Variants in NR2C2 observed in about 807,000 individuals in gnomAD.
The protein encoded by NR2C2 is Nuclear hormone receptor TR4.
NR2C2 carries 6 observed loss-of-function variants against 62.9 expected under a neutral mutation model. The ratio of observed to expected loss-of-function variants is 0.10; its 90% CI spans 0.05 to 0.19. The LOEUF (loss-of-function observed/expected upper bound fraction) is 0.19. Ranked by LOEUF, NR2C2 falls within the 10% of genes least tolerant of loss-of-function variation. The pLI, the probability that NR2C2 is intolerant of heterozygous loss-of-function variation, is 1.00. For missense variants in NR2C2, 479 were observed against 762.7 expected, an observed-to-expected ratio of 0.63 and a Z score of 4.38; for synonymous variants, 272 against 273.8, an observed-to-expected ratio of 0.99 and a Z score of 0.07.
intron 13 of NR2C2, 129 bp from the exon 14 acceptor site, chr3:15,042,705 G>A: frequency 1.4e-6 from 1 of 735,970 alleles, no homozygotes; most frequent in Non-Finnish European, 2.2e-6. Context: ...TCAGAAAAGA[G>A]AGGTGGGTGG....
At chr3:14,996,836 A>G (rs1305883898) in intron 1 of NR2C2, among the ~76,000 whole-genome samples, 2 of 152,232 alleles carry the variant, frequency 1.3e-5, no homozygotes, top group African/African-American at 4.8e-5. Flanking sequence ...TGCTGGGATT[A>G]CAGGTGTCAG....
intron 1 of NR2C2, among the ~76,000 whole-genome samples, chr3:14,993,191 C>G (rs1353911458): frequency 3.3e-5 from 5 of 152,176 alleles, no homozygotes; most frequent in African/African-American, 1.2e-4. Flanking sequence ...TGGTGGCTCA[C>G]GTCTGTAGTC....
intron 3 of NR2C2, among the ~76,000 whole-genome samples, chr3:15,015,857 A>C (rs1391470824): frequency 6.6e-6 from 1 of 152,202 alleles, no homozygotes; most frequent in Non-Finnish European, 1.5e-5. Flanking sequence ...CCTGGAGTGC[A>C]GTGGTGCGAT....
At chr3:14,959,275 A>G (rs1195368218) in intron 1 of NR2C2, 1 of 152,160 alleles carries the variant, frequency 6.6e-6, no homozygotes, top group Non-Finnish European at 1.5e-5. Flanking sequence ...CCACTTCCTT[A>G]CATTACTTGA....
At chr3:14,995,786 T>C (rs987853994) in intron 1 of NR2C2, among the ~76,000 whole-genome samples, 4 of 152,178 alleles carry the variant, frequency 2.6e-5, no homozygotes, top group African/African-American at 9.7e-5. Flanking sequence ...CACCATTTTA[T>C]GTTCCCACCA....
rs981353439 is a variant in NR2C2, at chr3:15,022,501, T to C, written c.557-699T>C. On this transcript the variant is annotated intron_variant, in intron 5 of 13. Transcript: ENST00000425241. The stretch of plus-strand genomic sequence containing the variant: ...CTCACTGCAGCCTCCGCCTCCCAGG[T>C]TCAAGCAATTCTCCCTGCCTCAGCC... Among the ~76,000 whole-genome samples the C allele has an allele frequency of 1.5e-4, 22 of 149,290 alleles. 1 individual carries two copies. The Admixed American group carries it at 1.5e-3, about 10-fold the overall frequency.
At chr3:14,983,473 A>ACG (rs1297239763) in intron 1 of NR2C2, among the ~76,000 whole-genome samples, 2 of 150,008 alleles carry the variant, frequency 1.3e-5, no homozygotes, top group Non-Finnish European at 3.0e-5. Context: ...ACACACACAC[A>ACG]CACACACACA....
At chr3:14,973,933 C>G (rs1488275951) in intron 1 of NR2C2, among the ~76,000 whole-genome samples, 2 of 152,086 alleles carry the variant, frequency 1.3e-5, no homozygotes, top group Non-Finnish European at 2.9e-5. Flanking sequence ...ACCCAGTAAA[C>G]CAATCATAAA....
chr3:15,008,721 C>G (rs1381279594), intron 2 of NR2C2, among the ~76,000 whole-genome samples: 5 of 152,074 alleles, frequency 3.3e-5, no homozygotes, highest in African/African-American at 1.2e-4. Context: ...TAGAGAGGAC[C>G]TTAGCTTAGT....
intron 1 of NR2C2, among the ~76,000 whole-genome samples, chr3:14,986,724 A>C (rs2040524255): frequency 2.0e-5 from 3 of 152,230 alleles, no homozygotes; most frequent in Non-Finnish European, 4.4e-5. Context: ...AAATGAAAGC[A>C]TTTTGTCTAC....
At chr3:14,950,218 C>A (rs1232674363) in intron 1 of NR2C2, among the ~76,000 whole-genome samples, 1 of 152,038 alleles carries the variant, frequency 6.6e-6, no homozygotes, top group Non-Finnish European at 1.5e-5. Context: ...CACCGAGATT[C>A]TAGTTTTGGC....
At chr3:14,977,545 C>A (rs959902369) in intron 1 of NR2C2, among the ~76,000 whole-genome samples, 1 of 151,896 alleles carries the variant, frequency 6.6e-6, no homozygotes, top group Non-Finnish European at 1.5e-5. Flanking sequence ...GTTTTTTATT[C>A]TGTTTAGTTT....
At chr3:14,951,896 C>T (rs1412852506) in intron 1 of NR2C2, among the ~76,000 whole-genome samples, 5 of 152,060 alleles carry the variant, frequency 3.3e-5, no homozygotes, top group Admixed American at 1.3e-4. Flanking sequence ...TACAGGTGCC[C>T]GCCACCACGC....
chr3:15,004,130 G>GA, intron 2 of NR2C2, 144 bp downstream of exon 2: 1 of 646,764 alleles, frequency 1.5e-6, no homozygotes, highest in South Asian at 2.3e-5. Context: ...AAAAAATAAA[G>GA]AAAAAATGCT....
At position 15,028,800 on chromosome 3, in the gene NR2C2, G is replaced by A. The variant is rs943575065; in HGVS notation, c.932+81G>A. The A allele has an allele frequency of 7.6e-6, 11 of 1,455,714 alleles. No individual in the cohort carries two copies. The African/African-American group carries it at 1.5e-4, about 20-fold the overall frequency. 90.2% of individuals were successfully genotyped at this position (1,455,714 alleles called of 1,614,324 possible). On this transcript the variant is annotated intron_variant, in intron 8 of 13. Transcript: ENST00000425241. The stretch of plus-strand genomic sequence containing the variant: ...TGTGAGGGTGGAAAACAGCATTTTG[G>A]TACCTGTGCTGTATTTAACTAAGGA...
At chr3:15,030,992 C>T (rs575492279) in intron 9 of NR2C2, among the ~76,000 whole-genome samples, 27 of 152,148 alleles carry the variant, frequency 1.8e-4, no homozygotes, top group Non-Finnish European at 3.2e-4. Flanking sequence ...CTGAAGGTAA[C>T]CATGAAGCAG....
At chr3:15,021,245 A>C (rs932839039) in intron 5 of NR2C2, among the ~76,000 whole-genome samples, 3 of 152,210 alleles carry the variant, frequency 2.0e-5, no homozygotes, top group African/African-American at 2.4e-5. Context: ...ACTAAGAGAG[A>C]GCTATGATGC....
chr3:14,970,204 C>T (rs568411950), intron 1 of NR2C2, among the ~76,000 whole-genome samples: 1 of 130,498 alleles, frequency 7.7e-6, no homozygotes, highest in African/African-American at 3.0e-5. Context: ...AAAAAATGTC[C>T]TTACCCCACT....
At chr3:14,950,125 G>T (rs536981164) in intron 1 of NR2C2, among the ~76,000 whole-genome samples, 1 of 152,270 alleles carries the variant, frequency 6.6e-6, no homozygotes, top group African/African-American at 2.4e-5. Flanking sequence ...TGAACTACTG[G>T]TATAGACATT....
Sources: gnomAD v4.1 joint callset for allele counts (sites outside exome capture counted in the v4.1 genomes callset) on GRCh38, gnomAD v4.1.1 for gene constraint, MANE v1.5 for transcripts, NCBI Gene and HGNC (gene_info 2026-07-23, HGNC 2026-07-21) for gene names.